ARB2A: variants seen among roughly 807,000 people sequenced by gnomAD.
ARB2A encodes the protein cotranscriptional regulator ARB2A.
the ARB2A span, chr5:93,865,889 A>G: frequency 1.0e-6 from 1 of 985,444 alleles, no homozygotes; most frequent in Non-Finnish European, 1.2e-6. Flanking sequence ...AGGAAAAACA[A>G]TGAATGTCCA....
At chr5:93,964,995 G>A in the ARB2A span, among the ~76,000 whole-genome samples, 13 of 152,102 alleles carry the variant, frequency 8.5e-5, no homozygotes, top group African/African-American at 3.1e-4. Context: ...TCAGGGACCT[G>A]TCAGTAACAC....
the ARB2A span, among the ~76,000 whole-genome samples, chr5:93,939,529 C>T: frequency 6.6e-6 from 1 of 151,980 alleles, no homozygotes; most frequent in African/African-American, 2.4e-5. Flanking sequence ...AAAACTGAAA[C>T]TTATTACAAA....
chr5:93,710,631 A>G, the ARB2A span, among the ~76,000 whole-genome samples: 1 of 152,238 alleles, frequency 6.6e-6, no homozygotes, highest in Non-Finnish European at 1.5e-5. Context: ...CAGAAAATCT[A>G]TTTAAAGAGA....
At chr5:94,034,727 A>G in the ARB2A span, among the ~76,000 whole-genome samples, 3 of 152,130 alleles carry the variant, frequency 2.0e-5, no homozygotes, top group Non-Finnish European at 4.4e-5. Context: ...ATTTCTGACA[A>G]GGCACAATGT....
the ARB2A span, among the ~76,000 whole-genome samples, chr5:93,873,383 AGGAAGG>A: frequency 0.1 from 665 of 6,504 alleles, 148 homozygotes; most frequent in African/African-American, 0.22. Context: ...AGGAAAGGAA[AGGAAGG>A]GGAAGGGGAA....
the ARB2A span, among the ~76,000 whole-genome samples, chr5:93,678,494 G>A: frequency 8.5e-5 from 13 of 152,188 alleles, no homozygotes; most frequent in Admixed American, 6.5e-4. Flanking sequence ...GGTGGCTCAC[G>A]CCTGTAATCC....
the ARB2A span, among the ~76,000 whole-genome samples, chr5:94,087,618 C>T: frequency 6.6e-6 from 1 of 152,130 alleles, no homozygotes. Context: ...CAGTAGTATA[C>T]AGTAATGTCC....
At chr5:93,988,158 T>C in the ARB2A span, among the ~76,000 whole-genome samples, 1 of 152,304 alleles carries the variant, frequency 6.6e-6, no homozygotes, top group Admixed American at 6.5e-5. Flanking sequence ...CATTATCTCT[T>C]CCTTGCTTCT....
chr5:93,761,640 G>C, the ARB2A span, among the ~76,000 whole-genome samples: 4 of 152,208 alleles, frequency 2.6e-5, no homozygotes, highest in East Asian at 7.7e-4. Context: ...GCAGGGCATT[G>C]CAAAACAAAA....
At chr5:94,094,708 G>A in the ARB2A span, among the ~76,000 whole-genome samples, 1 of 152,138 alleles carries the variant, frequency 6.6e-6, no homozygotes, top group Non-Finnish European at 1.5e-5. Context: ...ATGATGCAAA[G>A]GGTTTTTTGC....
At chr5:93,935,486 G>C in the ARB2A span, among the ~76,000 whole-genome samples, 5 of 152,146 alleles carry the variant, frequency 3.3e-5, no homozygotes, top group Non-Finnish European at 7.3e-5. Context: ...ACATGCTTAT[G>C]GGCATGCACA....
At chr5:93,838,799 T>C in the ARB2A span, among the ~76,000 whole-genome samples, 18 of 152,198 alleles carry the variant, frequency 1.2e-4, no homozygotes, top group Non-Finnish European at 1.0e-4. Flanking sequence ...TATTCTTTTT[T>C]GTGGCAATTG....
chr5:93,907,745 G>A, the ARB2A span, among the ~76,000 whole-genome samples: 1 of 151,312 alleles, frequency 6.6e-6, no homozygotes, highest in Non-Finnish European at 1.5e-5. Flanking sequence ...AAAACTTGCT[G>A]ATTGTCATGG....
chr5:93,929,458 T>C, the ARB2A span, among the ~76,000 whole-genome samples: 1 of 152,126 alleles, frequency 6.6e-6, no homozygotes, highest in Non-Finnish European at 1.5e-5. Context: ...AAAACAAGTG[T>C]GCCAACAACA....
At chr5:93,640,321 T>C in the ARB2A span, among the ~76,000 whole-genome samples, 31 of 150,006 alleles carry the variant, frequency 2.1e-4, no homozygotes, top group Non-Finnish European at 4.2e-4. Context: ...TAGTGGTGGG[T>C]GCCTGTAATC....
At chr5:93,820,994 C>T in the ARB2A span, among the ~76,000 whole-genome samples, 1 of 151,644 alleles carries the variant, frequency 6.6e-6, no homozygotes, top group Non-Finnish European at 1.5e-5. Context: ...AGATTTACTA[C>T]CATAAAATGA....
At chr5:93,900,734 AAAC>A in the ARB2A span, among the ~76,000 whole-genome samples, 1 of 152,182 alleles carries the variant, frequency 6.6e-6, no homozygotes, top group East Asian at 1.9e-4. Context: ...AAGTACAGAC[AAAC>A]AATATTCACA....
At chr5:94,043,933 T>C in the ARB2A span, among the ~76,000 whole-genome samples, 1 of 152,240 alleles carries the variant, frequency 6.6e-6, no homozygotes. Context: ...TACCATGATT[T>C]GTCTTTAGTA....
chr5:93,934,242 C>T, the ARB2A span, among the ~76,000 whole-genome samples: 1 of 152,116 alleles, frequency 6.6e-6, no homozygotes, highest in Non-Finnish European at 1.5e-5. Flanking sequence ...ATACACAGAT[C>T]ACACAAATCA....
Sources: allele counts gnomAD v4.1 joint callset (sites outside exome capture counted in the v4.1 genomes callset), GRCh38; gene constraint gnomAD v4.1.1; transcripts MANE v1.5; gene names NCBI Gene and HGNC (gene_info 2026-07-23, HGNC 2026-07-21).